SMTN: variants seen among roughly 807,000 people sequenced by gnomAD.
The protein encoded by SMTN is smoothelin.
Under a neutral mutation model 102.0 loss-of-function variants are expected in SMTN, and 58 were observed. That is an observed-to-expected ratio of 0.57 (90% CI 0.46 to 0.71). The LOEUF is 0.71. Among genes scored for constraint, SMTN ranks in the 30% least tolerant of loss-of-function variants. The pLI is 0.00. For synonymous variants in SMTN, 478 were observed against 497.9 expected, an observed-to-expected ratio of 0.96 and a Z score of 0.53; for missense variants, 1,185 against 1,241.7, an observed-to-expected ratio of 0.95 and a Z score of 0.69.
intron 1 of SMTN, among the ~76,000 whole-genome samples, chr22:31,076,256 T>A (rs2042126304): frequency 6.6e-6 from 1 of 152,176 alleles, no homozygotes; most frequent in Admixed American, 6.5e-5. Context: ...CCTCAGCACT[T>A]TTCTCCCTGC....
In SMTN at chr22:31,099,471, A is replaced by C. The variant is rs530506522; in HGVS notation, c.2452-274A>C. 6.9e-6 allele frequency: 4 copies of C among 583,768 alleles called. No homozygotes were observed. The East Asian group carries it at 1.1e-4, about 17-fold the overall frequency. The allele number at this position is 583,768 out of a possible 1,614,324, so 36.2% of individuals were successfully genotyped here. ...GTTGCTCTGTAGGAGGCCCTGAGTC[A>C]ATTTCTCTAAATGAGGGAAGGAGTG... On this transcript the variant is annotated intron_variant, in intron 18 of 20. Transcript: ENST00000333137.
chr22:31,075,091 TTGTC>T (rs1346293442), intron 1 of SMTN, among the ~76,000 whole-genome samples: 2 of 152,144 alleles, frequency 1.3e-5, no homozygotes, highest in African/African-American at 4.8e-5. Context: ...GTACTCAAGT[TTGTC>T]TGTTTCCAGA....
At chr22:31,087,283 C>T (rs933960916) in intron 2 of SMTN, 1 of 152,292 alleles carries the variant, frequency 6.6e-6, no homozygotes, top group Admixed American at 6.5e-5. Flanking sequence ...AAGCAGCTGT[C>T]ACCCAGGGAT....
intron 20 of SMTN, 99 bp from the exon 21 acceptor site, chr22:31,104,217 C>G (rs902204867): frequency 8.0e-6 from 11 of 1,377,222 alleles, no homozygotes; most frequent in African/African-American, 4.3e-5. Flanking sequence ...TTATGAAAGA[C>G]CAGCAGGCAA....
chr22:31,091,625 T>A (rs777291734), intron 10 of SMTN, 50 bp from the exon 11 acceptor site: 4 of 1,542,772 alleles, frequency 2.6e-6, no homozygotes, highest in Non-Finnish European at 3.5e-6. Flanking sequence ...TGTCTGGCAC[T>A]GCCCTCACTC....
At chr22:31,072,674 C>G (rs1041173738) in intron 1 of SMTN, among the ~76,000 whole-genome samples, 6 of 152,136 alleles carry the variant, frequency 3.9e-5, no homozygotes, top group Non-Finnish European at 4.4e-5. Flanking sequence ...CTTGGCCAGG[C>G]TAGTCTCGAA....
At position 31,089,997 on chromosome 22, in the gene SMTN, C is replaced by T. The variant is rs748441073; in HGVS notation, c.770C>T (p.Thr257Ile). ...EPQESPTLPS[T>I]EGQVVNKLLS... ...CAGGAGTCTCCAACGCTCCCCAGCA[C>T]TGAGGGCCAGGTGGTCAACAAGGTG... Residue 257 changes from threonine to isoleucine, a missense_variant, in exon 7 of 21, where the codon ACT (threonine) becomes ATT (isoleucine). Thr to Ile is a moderately conservative substitution (Grantham distance 89). Coordinates refer to ENST00000333137, the MANE Select transcript of SMTN (RefSeq NM_134269.3). The T allele has an allele frequency of 6.2e-7, 1 of 1,605,282 alleles. No individual in the cohort carries two copies.
At chr22:31,083,105 A>G (rs2042421526) in intron 1 of SMTN, 74 bp from the exon 2 acceptor site, 1 of 1,535,078 alleles carries the variant, frequency 6.5e-7, no homozygotes, top group African/African-American at 1.4e-5. Flanking sequence ...AGAGAGGGAA[A>G]GTAAGGCACA....
At chr22:31,074,756 C>G (rs1408619731) in intron 1 of SMTN, among the ~76,000 whole-genome samples, 1 of 152,102 alleles carries the variant, frequency 6.6e-6, no homozygotes, top group Non-Finnish European at 1.5e-5. Context: ...GAGATTGTGC[C>G]ATTGCACTCC....
Position 31,088,702 on chromosome 22 carries a change from C to T in SMTN, c.298C>T (p.Arg100Ter), listed in dbSNP as rs1293370730. Residue 100 changes from arginine to a stop codon, truncating the protein, a stop_gained, in exon 5 of 21, where the codon CGA (arginine) becomes TGA (stop). Transcript: ENST00000333137. LOFTEE classifies it high-confidence loss of function. ...GCGACCTGTCTCTTACCCACAGTTG[C>T]GAAGCGCTGGTGAGTATGAGGAGCG... is the stretch of plus-strand genomic sequence containing the variant. ...NDVEELTALL[R>*]SAGEYEERKL... is the part of the protein sequence containing the mutation. 3 of 1,613,786 alleles carry T rather than the reference C, an allele frequency of 1.9e-6. No homozygotes were observed. The highest frequency in any genetic ancestry group is 1.3e-5 in the African/African-American group (1 of 75,046).
chr22:31,096,788 G>A lies in SMTN; in HGVS notation c.1917G>A (p.Gly639=), dbSNP rs1418267355. The change falls in exon 14 of 21, where the codon GGG becomes GGA. Residue 639 remains glycine, a synonymous_variant. Transcript: ENST00000333137. ...TGCAGGAGGCACGGGGCCGGCCAGGGGAGGGGCGCGGCAACACAGCCACTG... is the reference window on the plus strand; with the variant it reads ...TGCAGGAGGCACGGGGCCGGCCAGGAGAGGGGCGCGGCAACACAGCCACTG... ...RRLQEARGRP[G]EGRGNTATET... 6.4e-7 allele frequency: 1 copy of A among 1,565,958 alleles called. No individual in the cohort carries two copies. The highest frequency in any genetic ancestry group is 2.2e-5 in the East Asian group (1 of 44,480).
chr22:31,087,940 G>T (rs372279169), intron 2 of SMTN, 25 bp from the exon 3 acceptor site: 3 of 1,555,838 alleles, frequency 1.9e-6, no homozygotes, highest in South Asian at 1.2e-5. Context: ...CAGCCAAAAT[G>T]ACCTGCCTCT....
intron 1 of SMTN, among the ~76,000 whole-genome samples, chr22:31,069,725 T>G (rs2041953154): frequency 1.3e-5 from 2 of 152,302 alleles, no homozygotes; most frequent in East Asian, 1.9e-4. Flanking sequence ...ACTGTGTGCA[T>G]GGCTCTGTGC....
At chr22:31,080,894 A>G (rs148531299), upstream of SMTN, 36 of 152,410 alleles carry the variant, frequency 2.4e-4, no homozygotes, top group African/African-American at 8.7e-4. Flanking sequence ...TCCCGAAAGC[A>G]GCCTAGGGAC....
At chr22:31,077,273 G>T (rs2042152561), upstream of SMTN, among the ~76,000 whole-genome samples, 10 of 152,076 alleles carry the variant, frequency 6.6e-5, no homozygotes, top group Admixed American at 6.6e-4. Flanking sequence ...GCCAGGCATG[G>T]TGGCACGTGT....
intron 11 of SMTN, chr22:31,093,701 T>C: frequency 2.9e-6 from 3 of 1,020,614 alleles, no homozygotes; most frequent in Admixed American, 1.8e-5. Flanking sequence ...CGGCTGGGGG[T>C]CCCACTTGTG....
chr22:31,083,891 G>A (rs981806306), intron 2 of SMTN, among the ~76,000 whole-genome samples: 5 of 152,212 alleles, frequency 3.3e-5, no homozygotes, highest in African/African-American at 1.2e-4. Context: ...GTCAAGGCTG[G>A]ACGAGGCCAT....
At position 31,091,250 on chromosome 22, in the gene SMTN, C is replaced by A. The variant is rs1303108852; in HGVS notation, c.1227C>A (p.Ser409Arg). 6.9e-6 allele frequency: 11 copies of A among 1,604,434 alleles called. No homozygotes were observed. The highest frequency in any genetic ancestry group is 8.5e-6 in the Non-Finnish European group (10 of 1,175,816). ...GVAQPLAQLR[S>R]CPQEEGPRGR... ...CCCAGCCCCTGGCCCAGCTTCGAAG[C>A]TGCCCCCAGGAGGAGGGCCCCAGGG... The change falls in exon 10 of 21, where the codon AGC (serine) becomes AGA (arginine). Residue 409 changes from serine to arginine, a missense_variant. Physicochemically the swap from Ser to Arg is moderately radical, Grantham distance 110 (BLOSUM62 -1). Coordinates refer to ENST00000333137, the MANE Select transcript of SMTN (RefSeq NM_134269.3).
intron 9 of SMTN, 23 bp from the exon 10 acceptor site, chr22:31,090,938 G>A (rs938996985): frequency 1.2e-6 from 2 of 1,612,430 alleles, no homozygotes; most frequent in Non-Finnish European, 1.7e-6. Flanking sequence ...CCCAGTTGCT[G>A]ACAGCCCTCC....
Sources: gnomAD v4.1 joint callset for allele counts (sites outside exome capture counted in the v4.1 genomes callset) on GRCh38, gnomAD v4.1.1 for gene constraint, MANE v1.5 for transcripts, NCBI Gene and HGNC (gene_info 2026-07-23, HGNC 2026-07-21) for gene names.